PTK2: variants seen among roughly 807,000 people sequenced by gnomAD.
PTK2 encodes the protein protein tyrosine kinase 2, also known as focal adhesion kinase 1.
A neutral mutation model predicts 150.1 loss-of-function variants in PTK2; 45 were observed. The ratio of observed to expected loss-of-function variants is 0.30; its 90% CI spans 0.24 to 0.38. The LOEUF is 0.38. PTK2 is among the 10% of genes least tolerant of loss of function. The probability of loss-of-function intolerance (pLI) is 1.00; values close to 1 mark genes in which losing one functional copy is unlikely to be tolerated. For missense variants in PTK2, 919 were observed against 1,307.3 expected, an observed-to-expected ratio of 0.70 and a Z score of 4.58; for synonymous variants, 432 against 449.2, an observed-to-expected ratio of 0.96 and a Z score of 0.48.
intron 1 of PTK2, among the ~76,000 whole-genome samples, chr8:140,944,883 T>C (rs1276690640): frequency 6.6e-6 from 1 of 152,222 alleles, no homozygotes; most frequent in Non-Finnish European, 1.5e-5. Context: ...GAGCAATGCT[T>C]CTTTTAGAAA....
intron 1 of PTK2, among the ~76,000 whole-genome samples, chr8:140,990,780 TA>T (rs1286228912): frequency 1.3e-5 from 2 of 152,198 alleles, no homozygotes; most frequent in Non-Finnish European, 2.9e-5. Context: ...GACTATACAA[TA>T]AAGTCATTTT....
At chr8:140,974,040 T>A (rs1239002728) in intron 1 of PTK2, among the ~76,000 whole-genome samples, 1 of 152,186 alleles carries the variant, frequency 6.6e-6, no homozygotes, top group Non-Finnish European at 1.5e-5. Flanking sequence ...CTTACCAAGT[T>A]CATCAAATCT....
chr8:140,726,678 T>C (rs1471505605), intron 22 of PTK2, among the ~76,000 whole-genome samples: 2 of 152,172 alleles, frequency 1.3e-5, no homozygotes, highest in East Asian at 3.8e-4. Context: ...GTTCAACTCA[T>C]TTTTAGATAA....
intron 4 of PTK2, 65 bp downstream of exon 4, chr8:140,879,406 G>T: frequency 6.9e-7 from 1 of 1,444,190 alleles, no homozygotes; most frequent in Non-Finnish European, 9.3e-7. Context: ...TTGTTATCTT[G>T]TGCATGTTTT....
intron 3 of PTK2, among the ~76,000 whole-genome samples, chr8:140,886,055 T>C (rs1374812196): frequency 6.6e-6 from 1 of 152,046 alleles, no homozygotes; most frequent in South Asian, 2.1e-4. Flanking sequence ...AAGAAAGGGG[T>C]AGCAGTGGAG....
intron 12 of PTK2, among the ~76,000 whole-genome samples, chr8:140,795,132 G>GT: frequency 6.6e-6 from 1 of 152,144 alleles, no homozygotes; most frequent in Non-Finnish European, 1.5e-5. Flanking sequence ...CTACATCATG[G>GT]TAATAGCCTC....
intron 16 of PTK2, among the ~76,000 whole-genome samples, chr8:140,759,648 G>A (rs1054258596): frequency 2.0e-5 from 3 of 149,958 alleles, no homozygotes; most frequent in African/African-American, 7.4e-5. Flanking sequence ...CCTGAGTCCA[G>A]AAGTTTGAGA....
At chr8:140,724,338 T>C (rs1010967896) in intron 22 of PTK2, among the ~76,000 whole-genome samples, 4 of 152,232 alleles carry the variant, frequency 2.6e-5, no homozygotes, top group African/African-American at 9.6e-5. Context: ...CATTTACCAC[T>C]AGGAAAGAAC....
chr8:140,805,520 T>C (rs2100097675), intron 10 of PTK2, among the ~76,000 whole-genome samples: 1 of 149,810 alleles, frequency 6.7e-6, no homozygotes, highest in Non-Finnish European at 1.5e-5. Flanking sequence ...GATCATGCCA[T>C]TACACTCTGC....
At chr8:140,966,163 T>C (rs1569514839) in intron 1 of PTK2, among the ~76,000 whole-genome samples, 1 of 152,158 alleles carries the variant, frequency 6.6e-6, no homozygotes. Context: ...TCCCAGTTAC[T>C]CCCCACATCT....
At chr8:140,929,716 C>T (rs1396902813) in intron 1 of PTK2, among the ~76,000 whole-genome samples, 1 of 151,898 alleles carries the variant, frequency 6.6e-6, no homozygotes, top group African/African-American at 2.4e-5. Flanking sequence ...TATCCTAAAA[C>T]TTAAACTCTG....
At chr8:140,824,989 C>T (rs1036518582) in intron 8 of PTK2, among the ~76,000 whole-genome samples, 1 of 152,180 alleles carries the variant, frequency 6.6e-6, no homozygotes, top group Non-Finnish European at 1.5e-5. Flanking sequence ...ACAAAAATAA[C>T]TTCCTATTAG....
intron 14 of PTK2, among the ~76,000 whole-genome samples, chr8:140,775,452 T>G (rs1458018519): frequency 6.6e-6 from 1 of 151,986 alleles, no homozygotes; most frequent in African/African-American, 2.4e-5. Context: ...GCCACTGCAC[T>G]CCAGTCTGGA....
intron 1 of PTK2, among the ~76,000 whole-genome samples, chr8:140,926,324 T>C (rs2100169439): frequency 6.6e-6 from 1 of 152,208 alleles, no homozygotes. Flanking sequence ...AGCTGGGATA[T>C]GCATCAGGCA....
chr8:140,899,756 T>C (rs1330022333), intron 2 of PTK2, among the ~76,000 whole-genome samples: 1 of 152,104 alleles, frequency 6.6e-6, no homozygotes, highest in African/African-American at 2.4e-5. Context: ...ATTACCATGA[T>C]TAAGTAGGAT....
intron 2 of PTK2, among the ~76,000 whole-genome samples, chr8:140,913,590 C>T (rs1264767905): frequency 1.3e-5 from 2 of 152,038 alleles, no homozygotes; most frequent in South Asian, 2.1e-4. Flanking sequence ...GCCACTGAGT[C>T]CAGCCAGAAA....
At chr8:140,723,224 A>C (rs914682797) in intron 22 of PTK2, among the ~76,000 whole-genome samples, 3 of 152,210 alleles carry the variant, frequency 2.0e-5, no homozygotes, top group African/African-American at 7.2e-5. Context: ...ACATGAATCT[A>C]ATTTCTCTTG....
At chr8:140,839,056 T>C (rs1168056759) in intron 7 of PTK2, among the ~76,000 whole-genome samples, 1 of 151,460 alleles carries the variant, frequency 6.6e-6, no homozygotes, top group African/African-American at 2.4e-5. Context: ...GGGAAACTAA[T>C]GTTGGAAACA....
At chr8:140,962,214 A>T (rs866563840) in intron 1 of PTK2, among the ~76,000 whole-genome samples, 3 of 138,900 alleles carry the variant, frequency 2.2e-5, no homozygotes, top group African/African-American at 7.6e-5. Flanking sequence ...CTCTGTCTCA[A>T]AATTTAAAAA....
Sources: gnomAD v4.1 joint callset for allele counts (sites outside exome capture counted in the v4.1 genomes callset) on GRCh38, gnomAD v4.1.1 for gene constraint, MANE v1.5 for transcripts, NCBI Gene and HGNC (gene_info 2026-07-23, HGNC 2026-07-21) for gene names.